The following HDGF variants were observed in gnomAD, a reference collection of about 807,000 sequenced individuals.
HDGF encodes heparin binding growth factor.
A neutral mutation model predicts 30.0 loss-of-function variants in HDGF; 5 were observed. That is an observed-to-expected ratio of 0.17 (90% CI 0.09 to 0.35). HDGF has a LOEUF of 0.35. HDGF is among the 10% of genes least tolerant of loss of function. HDGF has a pLI of 1.00. For synonymous variants in HDGF, 133 were observed against 112.7 expected, an observed-to-expected ratio of 1.18 and a Z score of -1.14; for missense variants, 214 against 302.8, an observed-to-expected ratio of 0.71 and a Z score of 2.18.
upstream of HDGF, chr1:156,751,748 C>T: frequency 1.7e-6 from 2 of 1,203,968 alleles, no homozygotes; most frequent in Non-Finnish European, 2.1e-6. This position sits in a 1 kb window ranked among gnomAD's most constrained non-coding sequence, Gnocchi z 4.7. Flanking sequence ...CCTCCTCCTC[C>T]CTCCTCCCGG....
At chr1:156,746,048 A>T (rs1225794737) in intron 1 of HDGF, among the ~76,000 whole-genome samples, 1 of 152,146 alleles carries the variant, frequency 6.6e-6, no homozygotes, top group Admixed American at 6.5e-5. Flanking sequence ...TGCAGTCTCT[A>T]ATACTCACTC....
chr1:156,747,250 GCCCCCCCCC>G (rs1314352449), intron 1 of HDGF, among the ~76,000 whole-genome samples: 1 of 14,164 alleles, frequency 7.1e-5, no homozygotes, highest in African/African-American at 3.0e-4. Flanking sequence ...CCTCCCCCCC[GCCCCCCCCC>G]CCCCGCCCCG....
At chr1:156,746,076 T>C (rs186719463) in intron 1 of HDGF, among the ~76,000 whole-genome samples, 12 of 152,334 alleles carry the variant, frequency 7.9e-5, no homozygotes, top group African/African-American at 2.6e-4. Context: ...ATCATCCTTA[T>C]AGCCTCAGCT....
chr1:156,748,094 C>T (rs924502334), intron 1 of HDGF, among the ~76,000 whole-genome samples: 4 of 152,154 alleles, frequency 2.6e-5, no homozygotes, highest in African/African-American at 4.8e-5. Flanking sequence ...GGGGCCTGAG[C>T]AGATAGGCAT....
chr1:156,744,896 C>T, intron 3 of HDGF, 112 bp downstream of exon 3: 1 of 1,291,638 alleles, frequency 7.7e-7, no homozygotes. Flanking sequence ...TAGCTCCTAC[C>T]CTGAAAGCCC....
chr1:156,754,079 C>T (rs192364706), upstream of HDGF, among the ~76,000 whole-genome samples: 532 of 152,022 alleles, frequency 3.5e-3, 1 homozygote, highest in Admixed American at 5.5e-3. Flanking sequence ...CCACGCCAGG[C>T]TAATTTTTGT....
At chr1:156,746,534 G>A (rs1650558400) in intron 1 of HDGF, among the ~76,000 whole-genome samples, 1 of 152,228 alleles carries the variant, frequency 6.6e-6, no homozygotes, top group Non-Finnish European at 1.5e-5. Flanking sequence ...TTGAGGGCCA[G>A]GTCTCAGGTC....
At chr1:156,753,387 C>T (rs139751568), upstream of HDGF, among the ~76,000 whole-genome samples, 21 of 152,310 alleles carry the variant, frequency 1.4e-4, no homozygotes, top group African/African-American at 4.6e-4. Context: ...TTGGTGTTTA[C>T]TCTACAATGC....
At chr1:156,759,400 A>G (rs553880901) in intron 1 of HDGF, among the ~76,000 whole-genome samples, 31 of 151,842 alleles carry the variant, frequency 2.0e-4, no homozygotes, top group African/African-American at 7.3e-4. Context: ...GACACACCGT[A>G]TACACTTTGC....
chr1:156,749,906 G>A (rs1650848041), intron 1 of HDGF, among the ~76,000 whole-genome samples: 1 of 152,216 alleles, frequency 6.6e-6, no homozygotes, highest in African/African-American at 2.4e-5. Context: ...CTTGGCATCT[G>A]GGCCAAGAAG....
At chr1:156,753,623 T>C (rs1651089992), upstream of HDGF, among the ~76,000 whole-genome samples, 1 of 152,222 alleles carries the variant, frequency 6.6e-6, no homozygotes, top group Non-Finnish European at 1.5e-5. Flanking sequence ...CAATCTCGGC[T>C]CACTGCAACC....
chr1:156,751,247 A>G lies in HDGF; in HGVS notation c.87+96T>C, dbSNP rs1261552725. Reference sequence around the variant, plus strand: ...GGAGACCTACAAGCCCCCTGCCCCCACCTCTGCCCGCTCCGCGCGGAGCGC... The same window carrying G: ...GGAGACCTACAAGCCCCCTGCCCCCGCCTCTGCCCGCTCCGCGCGGAGCGC... On this transcript the variant is annotated intron_variant, in intron 1 of 5. Transcript: ENST00000357325. The surrounding 1 kb of genome is among the most constrained non-coding windows in gnomAD (Gnocchi z 4.7). 40 of 1,402,208 alleles carry G rather than the reference A, an allele frequency of 2.9e-5. No individual in the cohort carries two copies. The highest frequency in any genetic ancestry group is 2.3e-4 in the Middle Eastern group (1 of 4,358). 86.9% of individuals were successfully genotyped at this position (1,402,208 alleles called of 1,614,324 possible).
At position 156,761,084 on chromosome 1, in the gene HDGF, G is replaced by T. The variant is rs920354684; in HGVS notation, n.137-1865C>A. The stretch of plus-strand genomic sequence containing the variant: ...CCAGCACATTGGGAAGTGGAGGTTG[G>T]GGGGGATCAGCTGAGGTCACGGGTT... On this transcript the variant is annotated intron_variant and non_coding_transcript_variant, in intron 1 of 7. Coordinates refer to the HDGF transcript ENST00000465180. Among the ~76,000 whole-genome samples, 13 of 152,078 alleles carry T rather than the reference G, an allele frequency of 8.5e-5. 1 individual carries two copies. Among genetic ancestry groups the T allele is most frequent in the Admixed American group, 2.0e-4 (3 of 15,228 alleles).
At chr1:156,765,468 CTTTCTTTTT>C (rs1354362699) in intron 1 of HDGF, among the ~76,000 whole-genome samples, 2 of 86,376 alleles carry the variant, frequency 2.3e-5, no homozygotes, top group South Asian at 8.3e-4. Flanking sequence ...TTCTTTCTTT[CTTTCTTTTT>C]TTTTTTTTTT....
intron 1 of HDGF, among the ~76,000 whole-genome samples, chr1:156,765,472 C>CTTTTTTTTTTTTTTTTTT (rs71080793): frequency 5.3e-4 from 46 of 86,012 alleles, no homozygotes; most frequent in East Asian, 1.5e-3. Context: ...TTCTTTCTTT[C>CTTTTTTTTTTTTTTTTTT]TTTTTTTTTT....
At chr1:156,761,939 CAA>C (rs112163886) in intron 1 of HDGF, among the ~76,000 whole-genome samples, 1 of 128,558 alleles carries the variant, frequency 7.8e-6, no homozygotes, top group African/African-American at 3.0e-5. Flanking sequence ...GTCTCCATCT[CAA>C]AAAAAAAAAA....
chr1:156,752,203 TC>T, upstream of HDGF: 1 of 1,551,662 alleles, frequency 6.4e-7, no homozygotes, highest in Non-Finnish European at 8.7e-7. Flanking sequence ...CGCACTGGGG[TC>T]CTCTCTGGAC....
chr1:156,743,717 C>G lies in HDGF; in HGVS notation c.651G>C (p.Glu217Asp), dbSNP rs1178952978. ...GRGPPQEEEE[E>D]EDEEEEATKE... ...TGGTAGCCTCTTCCTCTTCATCCTC[C>G]TCCTCTTCTTCCTCTTGGGGAGGCC... The change falls in exon 5 of 6, where the codon GAG becomes GAC. Residue 217 changes from glutamate (E) to aspartate (D), a missense_variant. Around this residue, in one of 2 missense-constraint regions of HDGF, gnomAD observed 176 missense variants for 211.7 expected, o/e 0.83. Transcript: ENST00000357325. 10 of 1,605,632 alleles carry G rather than the reference C, an allele frequency of 6.2e-6. No individual in the cohort carries two copies. The African/African-American group carries it at 9.4e-5, about 15-fold the overall frequency.
At chr1:156,758,274 G>C (rs1651184308) in intron 2 of HDGF, among the ~76,000 whole-genome samples, 1 of 150,866 alleles carries the variant, frequency 6.6e-6, no homozygotes, top group African/African-American at 2.4e-5. Flanking sequence ...CTCCAGCCTG[G>C]GCGACAAAGT....
Sources: allele counts gnomAD v4.1 joint callset (sites outside exome capture counted in the v4.1 genomes callset), GRCh38; gene constraint gnomAD v4.1.1; regional missense constraint gnomAD v4.1.1; non-coding constraint Gnocchi (gnomAD v3.1); transcripts MANE v1.5; gene names NCBI Gene and HGNC (gene_info 2026-07-23, HGNC 2026-07-21).